The following PDE4B variants were observed in gnomAD, a reference collection of about 807,000 sequenced individuals.
PDE4B encodes phosphodiesterase 4B, also known as 3',5'-cyclic-AMP phosphodiesterase 4B.
PDE4B carries 20 observed loss-of-function variants against 82.2 expected under a neutral mutation model. The ratio of observed to expected loss-of-function variants is 0.24; its 90% CI spans 0.17 to 0.35. PDE4B has a LOEUF of 0.35. Ranked by LOEUF, PDE4B falls within the 10% of genes least tolerant of loss-of-function variation. PDE4B has a pLI of 1.00. For missense variants in PDE4B, 655 were observed against 907.2 expected (o/e 0.72, Z 3.57); for synonymous variants, 320 against 318.9 (o/e 1.00, Z -0.04).
intron 6 of PDE4B, among the ~76,000 whole-genome samples, chr1:66,261,644 A>G (rs1460398410): frequency 1.3e-5 from 2 of 152,224 alleles, no homozygotes; most frequent in African/African-American, 4.8e-5. Flanking sequence ...TTTGCTGTGC[A>G]TAAAAGCAGT....
At chr1:66,085,919 T>G (rs552190457) in intron 3 of PDE4B, among the ~76,000 whole-genome samples, 1 of 152,212 alleles carries the variant, frequency 6.6e-6, no homozygotes, top group African/African-American at 2.4e-5. Flanking sequence ...TGTTGTGTTA[T>G]TGTTTCATTT....
chr1:66,100,548 G>T (rs1249043647), intron 3 of PDE4B, among the ~76,000 whole-genome samples: 1 of 152,090 alleles, frequency 6.6e-6, no homozygotes, highest in Non-Finnish European at 1.5e-5. Flanking sequence ...TCTAATCATA[G>T]ATATGTTTAA....
At chr1:65,949,816 A>G (rs953967803) in intron 3 of PDE4B, among the ~76,000 whole-genome samples, 20 of 151,798 alleles carry the variant, frequency 1.3e-4, no homozygotes, top group African/African-American at 4.4e-4. Context: ...ATAAGAGATA[A>G]TTGGTCACAT....
intron 3 of PDE4B, among the ~76,000 whole-genome samples, chr1:66,038,018 T>C (rs891911929): frequency 3.9e-5 from 6 of 152,134 alleles, no homozygotes; most frequent in Admixed American, 1.3e-4. Context: ...ATAATTTGTA[T>C]AGAGTAAAAT....
chr1:66,313,623 G>C (rs553596479), intron 7 of PDE4B, among the ~76,000 whole-genome samples: 1 of 152,202 alleles, frequency 6.6e-6, no homozygotes, highest in Non-Finnish European at 1.5e-5. Context: ...CATTAAGCTT[G>C]CACCCTGCAG....
intron 3 of PDE4B, among the ~76,000 whole-genome samples, chr1:66,098,505 T>C (rs78297471): frequency 0.042 from 6,389 of 152,244 alleles, 159 homozygotes; most frequent in East Asian, 0.079. Context: ...ATTTTAACTT[T>C]GAAATAAAAT....
chr1:66,105,487 G>C (rs1645330004), intron 3 of PDE4B, among the ~76,000 whole-genome samples: 1 of 152,114 alleles, frequency 6.6e-6, no homozygotes, highest in Admixed American at 6.6e-5. Flanking sequence ...AAAGTCATTG[G>C]TAACTTGATG....
chr1:66,142,194 G>T (rs1168682456), intron 3 of PDE4B, among the ~76,000 whole-genome samples: 1 of 151,960 alleles, frequency 6.6e-6, no homozygotes, highest in Non-Finnish European at 1.5e-5. Flanking sequence ...AGAGGAAGGG[G>T]GTGGTCTTGC....
At chr1:66,194,960 A>G (rs1358198879) in intron 3 of PDE4B, among the ~76,000 whole-genome samples, 2 of 152,178 alleles carry the variant, frequency 1.3e-5, no homozygotes, top group African/African-American at 4.8e-5. Context: ...ATTGTGAGTC[A>G]TTACCATTAG....
chr1:66,307,003 A>C (rs1282976364), intron 7 of PDE4B, among the ~76,000 whole-genome samples: 1 of 152,092 alleles, frequency 6.6e-6, no homozygotes, highest in Admixed American at 6.6e-5. Flanking sequence ...GGTAGCCGAA[A>C]TAGACGTAGT....
intron 1 of PDE4B, among the ~76,000 whole-genome samples, chr1:65,893,420 A>G (rs776125607): frequency 5.9e-5 from 9 of 152,034 alleles, no homozygotes; most frequent in Non-Finnish European, 1.3e-4. Flanking sequence ...TTAAACCCAC[A>G]ATGAGATACG....
intron 3 of PDE4B, among the ~76,000 whole-genome samples, chr1:66,095,259 A>T (rs924155802): frequency 6.6e-6 from 1 of 151,952 alleles, no homozygotes; most frequent in Non-Finnish European, 1.5e-5. Context: ...ATCTTGAGCA[A>T]ATAACTTATT....
rs376985890 is a variant in PDE4B at position 65,931,965 on chromosome 1, T to G, written c.281+13130T>G. ...CAAAGACAGAAGTTTGCACTGACAG[T>G]TACCATATCCTTTCCCTCAGCTCAA... is the stretch of plus-strand genomic sequence containing the variant. On this transcript the variant is annotated intron_variant, in intron 3 of 16. Coordinates refer to ENST00000341517, the MANE Select transcript of PDE4B (RefSeq NM_002600.4). Among the ~76,000 whole-genome samples the G allele has an allele frequency of 1.7e-4, 26 of 152,290 alleles. No homozygotes were observed. In the East Asian group the frequency reaches 4.0e-3, roughly 24 times the overall value.
chr1:66,113,479 C>A (rs185558722), intron 3 of PDE4B, among the ~76,000 whole-genome samples: 1 of 152,240 alleles, frequency 6.6e-6, no homozygotes, highest in Admixed American at 6.5e-5. Context: ...ATTTTGTATT[C>A]ACTATGCTAG....
At chr1:66,072,200 A>G (rs2100930428) in intron 3 of PDE4B, among the ~76,000 whole-genome samples, 1 of 152,278 alleles carries the variant, frequency 6.6e-6, no homozygotes, top group South Asian at 2.1e-4. Context: ...AATACCATGT[A>G]GGCTGCTTAA....
intron 3 of PDE4B, among the ~76,000 whole-genome samples, chr1:66,067,370 T>C (rs1366708214): frequency 6.6e-6 from 1 of 152,174 alleles, no homozygotes; most frequent in African/African-American, 2.4e-5. Flanking sequence ...GACATTTTAA[T>C]GATCGCTATT....
chr1:66,161,337 T>C (rs1646609523), intron 3 of PDE4B, among the ~76,000 whole-genome samples: 1 of 152,078 alleles, frequency 6.6e-6, no homozygotes, highest in Admixed American at 6.6e-5. Flanking sequence ...TTTTAATGTA[T>C]TCTCAGAAAG....
intron 3 of PDE4B, among the ~76,000 whole-genome samples, chr1:66,042,085 A>G (rs1378933292): frequency 6.6e-6 from 1 of 151,938 alleles, no homozygotes; most frequent in Non-Finnish European, 1.5e-5. Flanking sequence ...GAAATGCCAT[A>G]AATGGAGGTC....
intron 3 of PDE4B, among the ~76,000 whole-genome samples, chr1:66,237,866 C>T (rs1259057932): frequency 6.6e-6 from 1 of 152,046 alleles, no homozygotes; most frequent in East Asian, 1.9e-4. Context: ...GCAGTATGTC[C>T]CAGGAAAGTG....
Sources: gnomAD v4.1 joint callset for allele counts (sites outside exome capture counted in the v4.1 genomes callset) on GRCh38, gnomAD v4.1.1 for gene constraint, MANE v1.5 for transcripts, NCBI Gene and HGNC (gene_info 2026-07-23, HGNC 2026-07-21) for gene names.